Variants in KIF6 observed in about 807,000 individuals in gnomAD.
KIF6 encodes kinesin family member 6.
KIF6 carries 106 observed loss-of-function variants against 112.7 expected under a neutral mutation model. The ratio of observed to expected loss-of-function variants is 0.94; its 90% CI spans 0.80 to 1.11. The LOEUF (loss-of-function observed/expected upper bound fraction) is 1.11. Ranked by LOEUF, KIF6 falls within the 50% of genes least tolerant of loss-of-function variation. KIF6 has a pLI of 0.00. For synonymous variants in KIF6, 339 were observed against 339.9 expected (o/e 1.00, Z 0.03); for missense variants, 929 against 964.0 (o/e 0.96, Z 0.48).
Position 39,431,040 on chromosome 6 carries a change from G to T in KIF6, c.1754+13C>A, listed in dbSNP as rs1338506113. ...AGCCTCGGAGGACCAGCTGCTCTCT[G>T]AGACAGCCTTACCTCTGTTTCAGAA... On this transcript the variant is annotated intron_variant, in intron 14 of 22. Transcript: ENST00000287152. 2 of 1,568,354 alleles carry T rather than the reference G, an allele frequency of 1.3e-6. No individual in the cohort carries two copies. Among genetic ancestry groups the T allele is most frequent in the Non-Finnish European group, 1.8e-6 (2 of 1,140,124 alleles).
intron 10 of KIF6, among the ~76,000 whole-genome samples, chr6:39,571,667 A>G (rs1374278915): frequency 6.6e-6 from 1 of 152,192 alleles, no homozygotes; most frequent in Non-Finnish European, 1.5e-5. Context: ...TTTCCTAGAT[A>G]CCATTAAGGA....
chr6:39,522,202 G>A (rs1036123812), intron 13 of KIF6, among the ~76,000 whole-genome samples: 1 of 152,182 alleles, frequency 6.6e-6, no homozygotes, highest in African/African-American at 2.4e-5. Flanking sequence ...TATCAGAGGG[G>A]CCAGAGACAG....
chr6:39,680,022 A>G (rs302560), intron 3 of KIF6, among the ~76,000 whole-genome samples: 138,934 of 151,930 alleles, frequency 0.91, 63,628 homozygotes, highest in East Asian at 0.97. Context: ...TTGTTTGTTT[A>G]TTTTGAGGCA....
At chr6:39,541,602 G>A (rs145055419) in intron 12 of KIF6, among the ~76,000 whole-genome samples, 17 of 152,344 alleles carry the variant, frequency 1.1e-4, no homozygotes, top group South Asian at 4.1e-4. Context: ...ACAAGGCAGA[G>A]TAGTTTCTTG....
chr6:39,466,791 C>T lies in KIF6; in HGVS notation c.1646-35630G>A, dbSNP rs192874396. ...TGAGAGATCTGGGGCTTCCTTCCTC[C>T]ACCCAGGCCCCTCTTTGTAAGGCAG... On this transcript the variant is annotated intron_variant, in intron 13 of 22. Coordinates refer to ENST00000287152, the MANE Select transcript of KIF6 (RefSeq NM_145027.6). Among the ~76,000 whole-genome samples the T allele has an allele frequency of 1.3e-3, 193 of 152,300 alleles. 1 individual carries two copies. Among genetic ancestry groups the T allele is most frequent in the African/African-American group, 4.4e-3 (183 of 41,558 alleles).
chr6:39,722,507 T>G (rs1318417514), intron 1 of KIF6, among the ~76,000 whole-genome samples: 1 of 152,230 alleles, frequency 6.6e-6, no homozygotes, highest in East Asian at 1.9e-4. Flanking sequence ...TGGAAAGCAT[T>G]ACCACTGTTA....
intron 10 of KIF6, among the ~76,000 whole-genome samples, chr6:39,568,960 C>T (rs558545530): frequency 1.6e-4 from 24 of 152,264 alleles, no homozygotes; most frequent in African/African-American, 5.8e-4. Flanking sequence ...CTCTCTCTCT[C>T]TCTCTCTGTC....
chr6:39,419,846 C>G (rs527478354), intron 15 of KIF6, 102 bp downstream of exon 15: 1 of 983,918 alleles, frequency 1.0e-6, no homozygotes, highest in East Asian at 2.4e-5. Context: ...TCTCCTGAAA[C>G]TGGCCATTTG....
intron 6 of KIF6, among the ~76,000 whole-genome samples, chr6:39,600,298 T>C (rs1253529905): frequency 1.3e-5 from 2 of 152,198 alleles, no homozygotes; most frequent in Non-Finnish European, 2.9e-5. Flanking sequence ...TAGTGATGAT[T>C]AATCACCTGC....
intron 6 of KIF6, among the ~76,000 whole-genome samples, chr6:39,612,370 C>G (rs1783262375): frequency 6.6e-6 from 1 of 152,050 alleles, no homozygotes; most frequent in Non-Finnish European, 1.5e-5. Context: ...ATTTGGGGAA[C>G]TGTTCCCACA....
chr6:39,358,783 A>G (rs1289322110), intron 18 of KIF6, among the ~76,000 whole-genome samples: 1 of 152,172 alleles, frequency 6.6e-6, no homozygotes, highest in Non-Finnish European at 1.5e-5. Flanking sequence ...CAGACAAGAA[A>G]CCACAAAAGT....
chr6:39,509,285 G>C (rs1394784023), intron 13 of KIF6, among the ~76,000 whole-genome samples: 1 of 152,190 alleles, frequency 6.6e-6, no homozygotes, highest in Non-Finnish European at 1.5e-5. Flanking sequence ...AACCAGAGCA[G>C]AAAGGCTGAA....
At chr6:39,597,499 A>T (rs1310574524) in intron 6 of KIF6, among the ~76,000 whole-genome samples, 4 of 152,310 alleles carry the variant, frequency 2.6e-5, no homozygotes, top group African/African-American at 9.6e-5. Flanking sequence ...GACAGATGTG[A>T]CATCATACCA....
chr6:39,544,687 A>G lies in KIF6; in HGVS notation c.1294T>C (p.Leu432=). The change falls in exon 12 of 23, where the codon TTG becomes CTG. Residue 432 remains leucine, a synonymous_variant. Coordinates refer to ENST00000287152, the MANE Select transcript of KIF6 (RefSeq NM_145027.6). ...TTTTCAAGGATCTTCTTGTCATTCA[A>G]TAGTTTCTGTAAGATAAAATAAGAG... is the stretch of plus-strand genomic sequence containing the variant. The part of the protein sequence containing the change: ...HHCFHHLKKL[L]NDKKILENNT... 2 of 1,591,214 alleles carry G rather than the reference A, an allele frequency of 1.3e-6. No individual in the cohort carries two copies. The highest frequency in any genetic ancestry group is 1.7e-6 in the Non-Finnish European group (2 of 1,170,518).
intron 4 of KIF6, among the ~76,000 whole-genome samples, chr6:39,638,776 G>A (rs889569046): frequency 1.3e-5 from 2 of 152,076 alleles, no homozygotes; most frequent in Non-Finnish European, 2.9e-5. Context: ...TAGGGACACT[G>A]GAGATTCTCT....
At chr6:39,431,782 A>G (rs1050113981) in intron 13 of KIF6, among the ~76,000 whole-genome samples, 1 of 152,042 alleles carries the variant, frequency 6.6e-6, no homozygotes, top group African/African-American at 2.4e-5. Flanking sequence ...ATAAAGGCCA[A>G]CCCTCACTGC....
intron 1 of KIF6, among the ~76,000 whole-genome samples, chr6:39,721,102 G>C (rs1790190138): frequency 6.6e-6 from 1 of 152,092 alleles, no homozygotes; most frequent in South Asian, 2.1e-4. Context: ...TTGTCATTGA[G>C]AAACTAATAG....
At chr6:39,532,171 T>C (rs1197197842) in intron 13 of KIF6, among the ~76,000 whole-genome samples, 2 of 152,198 alleles carry the variant, frequency 1.3e-5, no homozygotes, top group Non-Finnish European at 2.9e-5. Context: ...GTCTTCCCTG[T>C]CAATCTGTAC....
chr6:39,487,698 G>A (rs1775201563), intron 13 of KIF6, among the ~76,000 whole-genome samples: 1 of 152,178 alleles, frequency 6.6e-6, no homozygotes, highest in African/African-American at 2.4e-5. Context: ...ACTGAATCCA[G>A]GTGAGTGCTA....
Sources: gnomAD v4.1 joint callset for allele counts (sites outside exome capture counted in the v4.1 genomes callset) on GRCh38, gnomAD v4.1.1 for gene constraint, MANE v1.5 for transcripts, NCBI Gene and HGNC (gene_info 2026-07-23, HGNC 2026-07-21) for gene names.